MDGA2: variants seen among roughly 807,000 people sequenced by gnomAD.
MDGA2 encodes the protein MAM domain-containing glycosylphosphatidylinositol anchor protein 2.
MDGA2 carries 40 observed loss-of-function variants against 117.8 expected under a neutral mutation model. That is an observed-to-expected ratio of 0.34 (90% CI 0.26 to 0.44). The LOEUF (loss-of-function observed/expected upper bound fraction) is 0.44. MDGA2 is among the 20% of genes least tolerant of loss of function. The probability of loss-of-function intolerance (pLI) is 1.00; values close to 1 mark genes in which losing one functional copy is unlikely to be tolerated. For synonymous variants in MDGA2, 452 were observed against 439.0 expected (o/e 1.03, Z -0.37); for missense variants, 1,123 against 1,250.6 (o/e 0.90, Z 1.54).
rs191572133 is a variant in MDGA2 at position 47,260,068 on chromosome 14, C to A, written c.420+41343G>T. On this transcript the variant is annotated intron_variant, in intron 2 of 16. Coordinates refer to ENST00000399232, the MANE Select transcript of MDGA2 (RefSeq NM_001113498.3). ...AGAGATCAAGGGAGTTAAGAAAATT[C>A]ATTCAGTCTCAAATGGTGCTAGATG... Among the ~76,000 whole-genome samples, 1,223 of 152,052 alleles carry A rather than the reference C, an allele frequency of 8.0e-3. 8 individuals carry two copies. The highest frequency in any genetic ancestry group is 0.012 in the Non-Finnish European group (806 of 67,968).
chr14:47,365,364 ACT>A (rs1218318444), intron 1 of MDGA2, among the ~76,000 whole-genome samples: 2 of 152,174 alleles, frequency 1.3e-5, no homozygotes, highest in Admixed American at 1.3e-4. Flanking sequence ...GGCGGAGATA[ACT>A]CTTCCCACAA....
intron 1 of MDGA2, among the ~76,000 whole-genome samples, chr14:47,458,525 T>C (rs1893411960): frequency 1.3e-5 from 2 of 152,178 alleles, no homozygotes; most frequent in East Asian, 1.9e-4. Context: ...TGGAGAGATG[T>C]TGGTGAAGGG....
At position 47,349,647 on chromosome 14, in the gene MDGA2, T is replaced by C. The variant is rs143256880; in HGVS notation, c.281-48097A>G. Among the ~76,000 whole-genome samples the C allele has an allele frequency of 5.6e-4, 86 of 152,326 alleles. 2 individuals are homozygous for C. The East Asian group carries it at 0.012, about 22-fold the overall frequency. ...TTTAAATTGTCTTTGAAAACATTCA[T>C]TTTTTAAAAAAAACATGAATTAGTT... On this transcript the variant is annotated intron_variant, in intron 1 of 16. Coordinates refer to ENST00000399232, the MANE Select transcript of MDGA2 (RefSeq NM_001113498.3).
chr14:47,077,046 G>GCT (rs1555350074), intron 6 of MDGA2, among the ~76,000 whole-genome samples: 1 of 149,716 alleles, frequency 6.7e-6, no homozygotes, highest in Non-Finnish European at 1.5e-5. Flanking sequence ...CTTAAAACAA[G>GCT]TTTTTTTTTT....
chr14:47,094,542 C>T (rs1879852991), intron 6 of MDGA2, among the ~76,000 whole-genome samples: 1 of 151,834 alleles, frequency 6.6e-6, no homozygotes, highest in South Asian at 2.1e-4. Flanking sequence ...GCAAATGATC[C>T]CATTATGAAA....
chr14:47,312,834 A>G (rs1475896900), intron 1 of MDGA2, among the ~76,000 whole-genome samples: 1 of 149,060 alleles, frequency 6.7e-6, no homozygotes, highest in Non-Finnish European at 1.5e-5. Context: ...CTGGCCTATC[A>G]CAGAACCTTA....
At chr14:47,117,027 T>C (rs1372254722) in intron 5 of MDGA2, among the ~76,000 whole-genome samples, 1 of 151,532 alleles carries the variant, frequency 6.6e-6, no homozygotes, top group Non-Finnish European at 1.5e-5. Context: ...GATTTCAAAA[T>C]ATTTAAGGAA....
rs189026309 is a variant in MDGA2, at chr14:47,577,377, C to T, written c.280+97140G>A. On this transcript the variant is annotated intron_variant, in intron 1 of 16. Transcript: ENST00000399232. ...GGCAATAGCATTCAGGACATAGGCA[C>T]GGGCAAAGACTTCATGATGCAAACG... 2.5e-4 allele frequency among the ~76,000 whole-genome samples: 38 copies of T among 152,130 alleles called. 1 individual carries two copies. Among genetic ancestry groups the T allele is most frequent in the Admixed American group, 2.1e-3 (32 of 15,262 alleles).
At chr14:46,904,334 T>TG (rs1289238297) in intron 10 of MDGA2, among the ~76,000 whole-genome samples, 7 of 146,438 alleles carry the variant, frequency 4.8e-5, no homozygotes, top group Admixed American at 7.0e-5. Flanking sequence ...ATCATACCTG[T>TG]GAGAGAGAGG....
chr14:47,267,956 T>C (rs1480096010), intron 2 of MDGA2, among the ~76,000 whole-genome samples: 3 of 152,208 alleles, frequency 2.0e-5, no homozygotes, highest in African/African-American at 7.2e-5. Flanking sequence ...AGCAACGTTC[T>C]TTCTGCCCTT....
At chr14:47,640,755 C>G (rs1897408036) in intron 1 of MDGA2, among the ~76,000 whole-genome samples, 1 of 152,082 alleles carries the variant, frequency 6.6e-6, no homozygotes, top group South Asian at 2.1e-4. Context: ...CCTCACGTCC[C>G]TCAATATTTC....
intron 1 of MDGA2, among the ~76,000 whole-genome samples, chr14:47,552,254 G>A (rs1318587348): frequency 6.6e-6 from 1 of 152,090 alleles, no homozygotes; most frequent in African/African-American, 2.4e-5. Flanking sequence ...ACCTTTGACT[G>A]TCGTATGTAT....
chr14:47,371,431 C>T (rs943217426), intron 1 of MDGA2, among the ~76,000 whole-genome samples: 2 of 151,658 alleles, frequency 1.3e-5, no homozygotes, highest in Non-Finnish European at 3.0e-5. Flanking sequence ...GAACTATATT[C>T]AAGACATGAT....
intron 3 of MDGA2, among the ~76,000 whole-genome samples, chr14:47,171,716 G>A (rs113561282): frequency 1.9e-4 from 29 of 152,318 alleles, no homozygotes; most frequent in African/African-American, 6.5e-4. Context: ...CAGCGTGAGC[G>A]ACACAGAAGA....
chr14:47,439,309 G>C (rs1283646375), intron 1 of MDGA2, among the ~76,000 whole-genome samples: 5 of 152,084 alleles, frequency 3.3e-5, no homozygotes, highest in Admixed American at 6.6e-5. Flanking sequence ...GTATATGTAA[G>C]ATATGTTTTG....
chr14:47,553,299 A>G (rs1895620992), intron 1 of MDGA2, among the ~76,000 whole-genome samples: 1 of 152,254 alleles, frequency 6.6e-6, no homozygotes, highest in South Asian at 2.1e-4. Context: ...TGTTCGGCAC[A>G]GAATAGATGT....
chr14:47,518,580 T>G lies in MDGA2; in HGVS notation c.280+155937A>C, dbSNP rs764129557. Among the ~76,000 whole-genome samples, 64 of 152,298 alleles carry G rather than the reference T, an allele frequency of 4.2e-4. 1 individual carries two copies. The highest frequency in any genetic ancestry group is 5.2e-4 in the Admixed American group (8 of 15,292). ...GCAAAAAGCATTTGCCAAAAAACAT[T>G]TTGTTATTTTATGTCTACTTTTATG... On this transcript the variant is annotated intron_variant, in intron 1 of 16. Transcript: ENST00000399232.
At chr14:47,426,213 G>A (rs1026943690) in intron 1 of MDGA2, among the ~76,000 whole-genome samples, 2 of 152,034 alleles carry the variant, frequency 1.3e-5, no homozygotes, top group African/African-American at 4.8e-5. Flanking sequence ...CACTAATTCT[G>A]CCTCCTAAAT....
intron 3 of MDGA2, among the ~76,000 whole-genome samples, chr14:47,205,904 C>T (rs566978193): frequency 1.3e-5 from 2 of 152,052 alleles, no homozygotes; most frequent in East Asian, 1.9e-4. Context: ...ACAAAATCTG[C>T]GACACAGAAG....
Sources: allele counts gnomAD v4.1 joint callset (sites outside exome capture counted in the v4.1 genomes callset), GRCh38; gene constraint gnomAD v4.1.1; transcripts MANE v1.5; gene names NCBI Gene and HGNC (gene_info 2026-07-23, HGNC 2026-07-21).